The following GABBR2 variants were observed in gnomAD, a reference collection of about 807,000 sequenced individuals.
The protein encoded by GABBR2 is G-protein coupled receptor 51.
A neutral mutation model predicts 105.6 loss-of-function variants in GABBR2; 23 were observed. The ratio of observed to expected loss-of-function variants is 0.22; its 90% CI spans 0.16 to 0.31. The LOEUF (loss-of-function observed/expected upper bound fraction) is 0.31, where lower values mean the gene tolerates loss of function less well. GABBR2 is among the 10% of genes least tolerant of loss of function. The pLI, the probability that GABBR2 is intolerant of heterozygous loss-of-function variation, is 1.00. For synonymous variants in GABBR2, 478 were observed against 499.7 expected (o/e 0.96, Z 0.58); for missense variants, 734 against 1,245.5 (o/e 0.59, Z 6.18).
chr9:98,660,525 G>A (rs1033510446), intron 1 of GABBR2, among the ~76,000 whole-genome samples: 1 of 152,136 alleles, frequency 6.6e-6, no homozygotes, highest in Non-Finnish European at 1.5e-5. Flanking sequence ...ATATTCTTTG[G>A]TGAGTTTCCT....
chr9:98,382,400 G>A (rs1166003676), intron 11 of GABBR2, among the ~76,000 whole-genome samples: 4 of 151,990 alleles, frequency 2.6e-5, no homozygotes, highest in Admixed American at 6.6e-5. Context: ...TGCAAGCTCC[G>A]CCTCCCAGGT....
In GABBR2 at chr9:98,390,266, C is replaced by T. The variant is rs369945582; in HGVS notation, c.1379-1262G>A. Among the ~76,000 whole-genome samples, 3 of 149,130 alleles carry T rather than the reference C, an allele frequency of 2.0e-5. No individual in the cohort carries two copies. In the South Asian group the frequency reaches 6.5e-4, roughly 32 times the overall value. ...GTGCACACCTGTAGTCCCAGATACT[C>T]GGGAGACTGAGGCAGGAAAATCGCT... On this transcript the variant is annotated intron_variant, in intron 9 of 18. Transcript: ENST00000259455.
chr9:98,453,089 C>T (rs556862411), intron 7 of GABBR2, among the ~76,000 whole-genome samples: 27 of 152,274 alleles, frequency 1.8e-4, no homozygotes, highest in African/African-American at 5.5e-4. Flanking sequence ...TGCAATGACG[C>T]GATCTCAGCT....
intron 7 of GABBR2, among the ~76,000 whole-genome samples, chr9:98,427,465 C>T (rs1825718050): frequency 2.0e-5 from 3 of 152,184 alleles, no homozygotes; most frequent in East Asian, 1.9e-4. Context: ...AGCAACCCAT[C>T]CCCCTTTGGA....
At chr9:98,598,396 C>G (rs184143319) in intron 1 of GABBR2, among the ~76,000 whole-genome samples, 12 of 152,052 alleles carry the variant, frequency 7.9e-5, no homozygotes, top group African/African-American at 2.9e-4. Flanking sequence ...AGGGTGAACA[C>G]AAAACTACAC....
At chr9:98,358,890 G>A (rs539150952) in intron 13 of GABBR2, among the ~76,000 whole-genome samples, 108 of 152,240 alleles carry the variant, frequency 7.1e-4, no homozygotes, top group African/African-American at 2.6e-3. Flanking sequence ...CCGTATGTGG[G>A]GTTGGGTGGC....
intron 7 of GABBR2, among the ~76,000 whole-genome samples, chr9:98,414,712 G>A (rs532985510): frequency 7.4e-4 from 112 of 152,278 alleles, no homozygotes; most frequent in Admixed American, 1.2e-3. Context: ...GCTTCCTGAC[G>A]GTTGGGTGCG....
chr9:98,642,640 A>G (rs1490490051), intron 1 of GABBR2, among the ~76,000 whole-genome samples: 1 of 152,192 alleles, frequency 6.6e-6, no homozygotes, highest in East Asian at 1.9e-4. Flanking sequence ...TGAGTGAGAC[A>G]TCATATTATT....
Position 98,543,449 on chromosome 9 carries a change from G to A in GABBR2, c.460-1406C>T, listed in dbSNP as rs140318993. ...CTGCTATCATAGCTCACTGCAGCCTGGAACTCCTGGGTTCCAGCGATCCCC... is the reference window on the plus strand; with the variant it reads ...CTGCTATCATAGCTCACTGCAGCCTAGAACTCCTGGGTTCCAGCGATCCCC... On this transcript the variant is annotated intron_variant, in intron 2 of 18. Transcript: ENST00000259455. Among the ~76,000 whole-genome samples, 13 of 152,122 alleles carry A rather than the reference G, an allele frequency of 8.5e-5. 1 individual carries two copies. The East Asian group carries it at 2.3e-3, about 27-fold the overall frequency.
intron 1 of GABBR2, among the ~76,000 whole-genome samples, chr9:98,697,992 A>G (rs1003899122): frequency 2.0e-5 from 3 of 152,266 alleles, no homozygotes; most frequent in Non-Finnish European, 4.4e-5. Context: ...GACGATTTGG[A>G]TAATACAGTG....
At chr9:98,424,780 G>A (rs933711710) in intron 7 of GABBR2, among the ~76,000 whole-genome samples, 3 of 152,156 alleles carry the variant, frequency 2.0e-5, no homozygotes, top group Admixed American at 6.5e-5. Context: ...TACAAGGGAC[G>A]TGAAGGACCT....
intron 7 of GABBR2, among the ~76,000 whole-genome samples, chr9:98,448,693 C>T (rs1304848160): frequency 6.6e-6 from 1 of 152,210 alleles, no homozygotes; most frequent in African/African-American, 2.4e-5. Context: ...ACTAGGATTA[C>T]AGGCAGAAGC....
At chr9:98,598,061 A>T (rs1315889297) in intron 1 of GABBR2, among the ~76,000 whole-genome samples, 1 of 152,068 alleles carries the variant, frequency 6.6e-6, no homozygotes, top group East Asian at 1.9e-4. Flanking sequence ...GAGCTCAGGC[A>T]ATCCACCCGC....
At chr9:98,368,820 C>T (rs528617351) in intron 12 of GABBR2, among the ~76,000 whole-genome samples, 1 of 152,324 alleles carries the variant, frequency 6.6e-6, no homozygotes, top group South Asian at 2.1e-4. Flanking sequence ...CCACCTAGGC[C>T]AGTGGCTCTC....
intron 7 of GABBR2, among the ~76,000 whole-genome samples, chr9:98,449,282 G>T (rs914409521): frequency 6.6e-6 from 1 of 152,200 alleles, no homozygotes; most frequent in Non-Finnish European, 1.5e-5. Context: ...ATACTGCCTA[G>T]CAATTGTTCC....
intron 1 of GABBR2, among the ~76,000 whole-genome samples, chr9:98,622,950 T>C (rs925502947): frequency 5.9e-5 from 9 of 152,180 alleles, no homozygotes; most frequent in Non-Finnish European, 1.0e-4. Flanking sequence ...CTATGGACTC[T>C]GGGTGATGAC....
At chr9:98,324,891 C>T (rs1360263515) in intron 13 of GABBR2, among the ~76,000 whole-genome samples, 1 of 152,170 alleles carries the variant, frequency 6.6e-6, no homozygotes, top group Admixed American at 6.5e-5. Flanking sequence ...CATATACCCT[C>T]TGGCAACAAA....
At chr9:98,350,852 C>A (rs1056885504) in intron 13 of GABBR2, among the ~76,000 whole-genome samples, 1 of 152,106 alleles carries the variant, frequency 6.6e-6, no homozygotes, top group East Asian at 1.9e-4. Flanking sequence ...ACATCTCCAA[C>A]TATTATTATA....
chr9:98,465,121 T>TAAAAAAAAAAAAA (rs57747633), intron 6 of GABBR2, among the ~76,000 whole-genome samples: 39 of 22,000 alleles, frequency 1.8e-3, no homozygotes, highest in Admixed American at 3.7e-3. Flanking sequence ...CAATAAATAC[T>TAAAAAAAAAAAAA]AAAAAAAAAA....
Sources: allele counts gnomAD v4.1 joint callset (sites outside exome capture counted in the v4.1 genomes callset), GRCh38; gene constraint gnomAD v4.1.1; transcripts MANE v1.5; gene names NCBI Gene and HGNC (gene_info 2026-07-23, HGNC 2026-07-21).